Variants in TBC1D21 observed in about 807,000 individuals in gnomAD.
The protein encoded by TBC1D21 is TBC1 domain family member 21, also known as male germ cell Rab GTPase-activating protein.
A neutral mutation model predicts 46.0 loss-of-function variants in TBC1D21; 38 were observed. The observed-to-expected ratio is 0.83, with a 90% CI of 0.64 to 1.08. TBC1D21 has a LOEUF of 1.08. TBC1D21 is among the 50% of genes least tolerant of loss of function. The pLI is 0.00. For missense variants in TBC1D21, 415 were observed against 417.9 expected (o/e 0.99, Z 0.06); for synonymous variants, 151 against 157.2 (o/e 0.96, Z 0.29).
Position 73,873,588 on chromosome 15 carries a change from G to C in TBC1D21, c.-122G>C. On this transcript the variant is annotated 5_prime_UTR_variant, in exon 1 of 11. Coordinates refer to ENST00000300504, the MANE Select transcript of TBC1D21 (RefSeq NM_153356.3). ...CACACTGCTGGCCGGCTCTGTTCAA[G>C]TGTGGGAGGTCAGGAGCAGCCAGTT... 9.7e-7 allele frequency: 1 copy of C among 1,026,256 alleles called. No individual in the cohort carries two copies. The highest frequency in any genetic ancestry group is 2.1e-5 in the Admixed American group (1 of 48,204). The allele number at this position is 1,026,256 out of a possible 1,614,324, so 63.6% of individuals were successfully genotyped here.
intron 1 of TBC1D21, among the ~76,000 whole-genome samples, chr15:73,877,962 A>G (rs2068095189): frequency 6.6e-6 from 1 of 152,250 alleles, no homozygotes; most frequent in Non-Finnish European, 1.5e-5. Context: ...TTCACATCAT[A>G]CTGAACTGTG....
At chr15:73,895,165 C>A in the TBC1D21 span, among the ~76,000 whole-genome samples, 4 of 152,170 alleles carry the variant, frequency 2.6e-5, no homozygotes, top group Non-Finnish European at 4.4e-5. Flanking sequence ...TTCTAAAGTA[C>A]GGTCAGGAAT....
the TBC1D21 span, among the ~76,000 whole-genome samples, chr15:73,907,795 G>A: frequency 6.6e-6 from 1 of 152,008 alleles, no homozygotes; most frequent in Admixed American, 6.6e-5. Flanking sequence ...AATTTGTTGG[G>A]GTATAGACGT....
At chr15:73,884,331 T>C in intron 4 of TBC1D21, 86 bp downstream of exon 4, 1 of 1,254,898 alleles carries the variant, frequency 8.0e-7, no homozygotes, top group Non-Finnish European at 1.2e-6. Flanking sequence ...CAGGGAGGGA[T>C]GGCTCCAGGA....
chr15:73,875,458 CA>C (rs150315499), intron 1 of TBC1D21, among the ~76,000 whole-genome samples: 15,016 of 152,100 alleles, frequency 0.099, 1,008 homozygotes, highest in South Asian at 0.22. Flanking sequence ...TCTTGTCCTC[CA>C]AAGGCTTTCT....
At chr15:73,894,044 A>G (rs1342928616), downstream of TBC1D21, among the ~76,000 whole-genome samples, 2 of 152,232 alleles carry the variant, frequency 1.3e-5, no homozygotes, top group Non-Finnish European at 2.9e-5. Context: ...TCAAACTCAG[A>G]AACAGGTGCA....
chr15:73,875,649 C>T (rs2068047547), intron 1 of TBC1D21, among the ~76,000 whole-genome samples: 1 of 152,116 alleles, frequency 6.6e-6, no homozygotes, highest in Non-Finnish European at 1.5e-5. Context: ...CTCAGGTTTG[C>T]TGATGTAGAA....
At chr15:73,909,793 T>A in the TBC1D21 span, 1 of 151,802 alleles carries the variant, frequency 6.6e-6, no homozygotes. Flanking sequence ...CTGTCAGTGG[T>A]CATATTTTCT....
intron 5 of TBC1D21, 55 bp from the exon 6 acceptor site, chr15:73,884,948 A>T: frequency 6.2e-7 from 1 of 1,607,592 alleles, no homozygotes; most frequent in Non-Finnish European, 8.5e-7. Flanking sequence ...AACCTAAGCC[A>T]AGGGTCCAGG....
the TBC1D21 span, among the ~76,000 whole-genome samples, chr15:73,895,445 G>T: frequency 6.6e-6 from 1 of 152,252 alleles, no homozygotes; most frequent in East Asian, 1.9e-4. Flanking sequence ...TCCCATCTTA[G>T]AGCCCTTCAG....
chr15:73,891,214 T>A (rs1402518870), downstream of TBC1D21, among the ~76,000 whole-genome samples: 1 of 152,254 alleles, frequency 6.6e-6, no homozygotes, highest in Admixed American at 6.5e-5. Context: ...ACTTAGTTTA[T>A]CATTTATACA....
chr15:73,885,473 A>G (rs1201757219), intron 6 of TBC1D21, among the ~76,000 whole-genome samples: 1 of 151,872 alleles, frequency 6.6e-6, no homozygotes, highest in Non-Finnish European at 1.5e-5. Context: ...AAATCCAATA[A>G]CCTTAGCCAG....
intron 1 of TBC1D21, among the ~76,000 whole-genome samples, chr15:73,874,962 C>A (rs2068032543): frequency 6.6e-6 from 1 of 152,078 alleles, no homozygotes; most frequent in African/African-American, 2.4e-5. Context: ...GAAAAGAGAA[C>A]CTGTCCAGGT....
chr15:73,902,916 G>A, the TBC1D21 span, among the ~76,000 whole-genome samples: 35 of 152,282 alleles, frequency 2.3e-4, 1 homozygote, highest in African/African-American at 7.9e-4. Context: ...AATCCGGGTC[G>A]GGTCTGGCAG....
chr15:73,896,411 C>G, the TBC1D21 span, among the ~76,000 whole-genome samples: 1 of 150,754 alleles, frequency 6.6e-6, no homozygotes, highest in Non-Finnish European at 1.5e-5. Context: ...AAGGTGGCGG[C>G]TCAAGTGCTA....
downstream of TBC1D21, among the ~76,000 whole-genome samples, chr15:73,890,255 G>A (rs1236517067): frequency 6.6e-6 from 1 of 152,110 alleles, no homozygotes; most frequent in Non-Finnish European, 1.5e-5. Context: ...TGAGTGCTTG[G>A]TCTCCTTCCC....
the TBC1D21 span, among the ~76,000 whole-genome samples, chr15:73,903,252 G>A: frequency 4.6e-5 from 7 of 152,140 alleles, no homozygotes; most frequent in African/African-American, 1.4e-4. Context: ...CCATGCCTCC[G>A]GCTTCTGCAT....
chr15:73,883,855 G>C (rs1233735125), intron 3 of TBC1D21, among the ~76,000 whole-genome samples: 1 of 152,218 alleles, frequency 6.6e-6, no homozygotes, highest in African/African-American at 2.4e-5. Context: ...GTGTCCCCAA[G>C]ACTTGCCCCC....
the TBC1D21 span, among the ~76,000 whole-genome samples, chr15:73,896,276 A>G: frequency 6.6e-6 from 1 of 152,200 alleles, no homozygotes; most frequent in African/African-American, 2.4e-5. Context: ...TGGCAGTCAT[A>G]GTGGAGAGGA....
Sources: allele counts gnomAD v4.1 joint callset (sites outside exome capture counted in the v4.1 genomes callset), GRCh38; gene constraint gnomAD v4.1.1; transcripts MANE v1.5; gene names NCBI Gene and HGNC (gene_info 2026-07-23, HGNC 2026-07-21).